Variants in MTMR4 observed in about 807,000 individuals in gnomAD.
The protein encoded by MTMR4 is phosphatidylinositol-3,5-bisphosphate 3-phosphatase MTMR4.
Under a neutral mutation model 125.5 loss-of-function variants are expected in MTMR4, and 30 were observed. The observed-to-expected ratio is 0.24, with a 90% CI of 0.18 to 0.32. MTMR4 has a LOEUF of 0.32. MTMR4 is among the 10% of genes least tolerant of loss of function. The pLI is 1.00. For missense variants in MTMR4, 1,039 were observed against 1,511.5 expected (o/e 0.69, Z 5.18); for synonymous variants, 498 against 564.5 (o/e 0.88, Z 1.67).
rs1414487918 is a variant in MTMR4 at position 58,504,229 on chromosome 17, CAG to C, written c.1528-11_1528-10del. ...TGTTGCACCAGTTTTACCTAGAAAG[CAG>C]AGAGAGCTTGCACCTGGGGGCCTCG... On this transcript the variant is annotated splice_polypyrimidine_tract_variant and intron_variant, in intron 12 of 17. Coordinates refer to ENST00000682306, the MANE Select transcript of MTMR4 (RefSeq NM_001378067.1). The surrounding 1 kb of genome is among the most constrained non-coding windows in gnomAD (Gnocchi z 7.1). 2 of 1,603,042 alleles carry C rather than the reference CAG, an allele frequency of 1.2e-6. No homozygotes were observed. Among genetic ancestry groups the C allele is most frequent in the South Asian group, 1.1e-5 (1 of 90,476 alleles).
intron 7 of MTMR4, 56 bp from the exon 8 acceptor site, chr17:58,507,375 A>G (rs1975806408): frequency 1.3e-6 from 2 of 1,534,690 alleles, no homozygotes; most frequent in Admixed American, 1.8e-5. Context: ...CCAGAGGCCT[A>G]CCTCAGGGGG....
chr17:58,494,825 CCTAA>C, intron 15 of MTMR4, 103 bp downstream of exon 15: 3 of 1,007,506 alleles, frequency 3.0e-6, no homozygotes, highest in Non-Finnish European at 4.4e-6. Flanking sequence ...AGCCCAGGCA[CCTAA>C]CTCAGTGGCA....
intron 15 of MTMR4, among the ~76,000 whole-genome samples, chr17:58,494,402 C>T (rs1193993483): frequency 1.3e-5 from 2 of 151,820 alleles, no homozygotes; most frequent in Non-Finnish European, 2.9e-5. Flanking sequence ...TGTGCACTGG[C>T]CTAAAATTTT....
In MTMR4 at chr17:58,496,151, C is replaced by T; in HGVS notation, c.2033G>A (p.Gly678Glu). 5 of 1,614,180 alleles carry T rather than the reference C, an allele frequency of 3.1e-6. No homozygotes were observed. Among genetic ancestry groups the T allele is most frequent in the Non-Finnish European group, 4.2e-6 (5 of 1,180,030 alleles). ...TTCTCCTACAGTTTGCTGAGGCCCT[C>T]CTACCCCAGAGTCCACAAAGCTTGT... ...SETSFVDSGV[G>E]GPQQTVGEVG... The change falls in exon 15 of 18, where the codon GGA becomes GAA. Residue 678 changes from glycine (G) to glutamate (E), a missense_variant. Gly to Glu is a moderately conservative substitution (Grantham distance 98). Around this residue, in one of 6 missense-constraint regions of MTMR4, gnomAD observed 619 missense variants for 714.5 expected, o/e 0.87. Coordinates refer to ENST00000682306, the MANE Select transcript of MTMR4 (RefSeq NM_001378067.1).
Position 58,512,739 on chromosome 17 carries a change from A to C in MTMR4, c.135+113T>G. The C allele has an allele frequency of 3.2e-6, 3 of 926,070 alleles. No homozygotes were observed. Among genetic ancestry groups the C allele is most frequent in the Non-Finnish European group, 5.1e-6 (3 of 587,922 alleles). 57.4% of individuals were successfully genotyped at this position (926,070 alleles called of 1,614,324 possible). On this transcript the variant is annotated intron_variant, in intron 2 of 17. Transcript: ENST00000682306. This position sits in a 1 kb window ranked among gnomAD's most constrained non-coding sequence, Gnocchi z 4.1. ...ACCCTCCTCCTCCAGAGACCAGGGA[A>C]CATGAAGCCAGAGCTCTGGTACCAG...
At chr17:58,514,287 G>A in intron 1 of MTMR4, 76 bp downstream of exon 1, 1 of 984,308 alleles carries the variant, frequency 1.0e-6, no homozygotes, top group Non-Finnish European at 1.2e-6. Flanking sequence ...GAAGGGGGAT[G>A]GGCTGAAATC....
upstream of MTMR4, among the ~76,000 whole-genome samples, chr17:58,515,778 TGGAA>T (rs1976072101): frequency 2.0e-5 from 3 of 152,132 alleles, no homozygotes; most frequent in Non-Finnish European, 2.9e-5. Flanking sequence ...CACATGTCTA[TGGAA>T]GGAAGGGAGG....
rs182106601 is a variant in MTMR4 at position 58,498,389 on chromosome 17, C to G, written c.1854-2059G>C. Among the ~76,000 whole-genome samples the G allele has an allele frequency of 4.3e-3, 652 of 151,486 alleles. 3 individuals are homozygous for G. The highest frequency in any genetic ancestry group is 0.015 in the African/African-American group (619 of 41,182). On this transcript the variant is annotated intron_variant, in intron 14 of 17. Coordinates refer to ENST00000682306, the MANE Select transcript of MTMR4 (RefSeq NM_001378067.1). The stretch of plus-strand genomic sequence containing the variant: ...GAGATAATAATACCTGAGTTTACAA[C>G]AAGGAGAGAGAGCTCATCCAGCTAG...
intron 14 of MTMR4, among the ~76,000 whole-genome samples, chr17:58,496,967 A>G (rs2143855935): frequency 6.6e-6 from 1 of 152,288 alleles, no homozygotes; most frequent in East Asian, 1.9e-4. Flanking sequence ...GCTCTTGATA[A>G]CCACTTAGCA....
chr17:58,497,466 G>T (rs949936093), intron 14 of MTMR4, among the ~76,000 whole-genome samples: 6 of 152,224 alleles, frequency 3.9e-5, no homozygotes, highest in Middle Eastern at 3.4e-3. Flanking sequence ...CTACGCCTCA[G>T]ATCCCTCATC....
At chr17:58,492,767 ATG>A in intron 16 of MTMR4, 73 bp downstream of exon 16, 1 of 1,417,974 alleles carries the variant, frequency 7.1e-7, no homozygotes, top group Non-Finnish European at 1.0e-6. Flanking sequence ...AGTCTACAGC[ATG>A]TCATTCATCT....
intron 14 of MTMR4, among the ~76,000 whole-genome samples, chr17:58,501,785 C>T (rs1243798532): frequency 6.6e-6 from 1 of 151,716 alleles, no homozygotes. Context: ...ACTGGCCAGG[C>T]GCAGGAGCTC....
rs762277221 is a variant in MTMR4, at chr17:58,504,998, C to A, written c.1146-24G>T. The A allele has an allele frequency of 1.9e-6, 3 of 1,576,200 alleles. No individual in the cohort carries two copies. Among genetic ancestry groups the A allele is most frequent in the African/African-American group, 2.7e-5 (2 of 74,284 alleles). ...AGCTACACAAAAGCAGACATCAAGT[C>A]GGTCACAAAGGGTGCTGAGGCCACA... On this transcript the variant is annotated intron_variant, in intron 10 of 17. Coordinates refer to ENST00000682306, the MANE Select transcript of MTMR4 (RefSeq NM_001378067.1). The surrounding 1 kb of genome is among the most constrained non-coding windows in gnomAD (Gnocchi z 7.1).
Position 58,507,153 on chromosome 17 carries a change from C to A in MTMR4, c.874G>T (p.Asp292Tyr). ...TGGSLSTGNN[D>Y]TSEACDADFD... is the part of the protein sequence containing the mutation. ...TCAGCATCACACGCCTCGCTGGTAT[C>A]ATTATTCCCGGTGCTGAGGGAGCCC... The change falls in exon 8 of 18, where the codon GAT (aspartate) becomes TAT (tyrosine). Residue 292 changes from aspartate to tyrosine, a missense_variant. Asp to Tyr is a radical substitution (Grantham distance 160). This residue lies in a region of MTMR4 where 49 missense variants were observed against 68.4 expected (regional missense o/e 0.72). Coordinates refer to ENST00000682306, the MANE Select transcript of MTMR4 (RefSeq NM_001378067.1). The A allele has an allele frequency of 1.9e-6, 3 of 1,614,154 alleles. No individual in the cohort carries two copies. The highest frequency in any genetic ancestry group is 2.5e-6 in the Non-Finnish European group (3 of 1,180,028).
chr17:58,501,534 TATATATACAC>T (rs1399645863), intron 14 of MTMR4, among the ~76,000 whole-genome samples: 8 of 151,836 alleles, frequency 5.3e-5, no homozygotes, highest in Non-Finnish European at 8.8e-5. Flanking sequence ...AAATTTGAGA[TATATATACAC>T]ATATATACAC....
At chr17:58,510,393 C>T (rs183204245) in intron 4 of MTMR4, among the ~76,000 whole-genome samples, 20 of 152,322 alleles carry the variant, frequency 1.3e-4, no homozygotes, top group Admixed American at 7.2e-4. Flanking sequence ...CTGTCTCTGG[C>T]ACACTCTTCC....
chr17:58,515,783 G>A (rs901059340), upstream of MTMR4, among the ~76,000 whole-genome samples: 11 of 152,184 alleles, frequency 7.2e-5, no homozygotes, highest in Non-Finnish European at 1.5e-5. Flanking sequence ...GTCTATGGAA[G>A]GAAGGGAGGG....
rs1347283656 is a variant in MTMR4, at chr17:58,495,051, C to G, written c.3133G>C (p.Gly1045Arg). 19 of 1,614,078 alleles carry G rather than the reference C, an allele frequency of 1.2e-5. No homozygotes were observed. The highest frequency in any genetic ancestry group is 1.5e-5 in the Non-Finnish European group (18 of 1,180,044). ...AGCTGCTCCACCTCTTGTTTGTACC[C>G]TGCTTCGATTTGCCGTAACCTATGC... Reference protein sequence around the residue: ...IQHRLRQIEAGYKQEVEQLRR... With the variant: ...IQHRLRQIEARYKQEVEQLRR... The change falls in exon 15 of 18, where the codon GGG becomes CGG. Residue 1045 changes from glycine to arginine, a missense_variant. Gly to Arg is a moderately radical substitution (Grantham distance 125). Around this residue, in one of 6 missense-constraint regions of MTMR4, gnomAD observed 619 missense variants for 714.5 expected, o/e 0.87. Coordinates refer to ENST00000682306, the MANE Select transcript of MTMR4 (RefSeq NM_001378067.1).
chr17:58,504,740 A>C lies in MTMR4; in HGVS notation c.1341+39T>G. The C allele has an allele frequency of 6.4e-7, 1 of 1,565,170 alleles. No individual in the cohort carries two copies. Among genetic ancestry groups the C allele is most frequent in the Non-Finnish European group, 8.7e-7 (1 of 1,150,210 alleles). On this transcript the variant is annotated intron_variant, in intron 11 of 17. Coordinates refer to ENST00000682306, the MANE Select transcript of MTMR4 (RefSeq NM_001378067.1). The surrounding 1 kb of genome is among the most constrained non-coding windows in gnomAD (Gnocchi z 7.1). ...AGGGCTCAACACCTTCCCTCCTGCCACATTCCTTCTGGTTTTCCCACCGAA... is the reference window on the plus strand; with the variant it reads ...AGGGCTCAACACCTTCCCTCCTGCCCCATTCCTTCTGGTTTTCCCACCGAA...
Sources: gnomAD v4.1 joint callset for allele counts (sites outside exome capture counted in the v4.1 genomes callset) on GRCh38, gnomAD v4.1.1 for gene constraint, gnomAD v4.1.1 regional missense constraint, Gnocchi (gnomAD v3.1) non-coding constraint, MANE v1.5 for transcripts, NCBI Gene and HGNC (gene_info 2026-07-23, HGNC 2026-07-21) for gene names.